SMIM19: variants seen among roughly 807,000 people sequenced by gnomAD.
SMIM19 encodes small integral membrane protein 19, also known as UPF0697 protein C8orf40.
SMIM19 carries 6 observed loss-of-function variants against 13.2 expected under a neutral mutation model. That is an observed-to-expected ratio of 0.45 (90% CI 0.25 to 0.90). The LOEUF is 0.90. SMIM19 is among the 40% of genes least tolerant of loss of function. The pLI is 0.19. For synonymous variants in SMIM19, 46 were observed against 43.1 expected (o/e 1.07, Z -0.27); for missense variants, 138 against 131.0 (o/e 1.05, Z -0.26).
At chr8:42,547,538 A>C (rs189236496) in intron 2 of SMIM19, among the ~76,000 whole-genome samples, 1 of 152,290 alleles carries the variant, frequency 6.6e-6, no homozygotes, top group East Asian at 1.9e-4. Context: ...AAGTCCCTGA[A>C]TGCAGAAACA....
chr8:42,552,551 G>A lies in SMIM19; in HGVS notation c.267G>A (p.Lys89=). Residue 89 remains lysine (K), a synonymous_variant, in exon 4 of 4, where the codon AAG becomes AAA. Coordinates refer to ENST00000417410, the MANE Select transcript of SMIM19 (RefSeq NM_001135674.2). ...TTTTCTTGTTGTGAATAGCAAGAAA[G>A]TACGACTATCAGCAGCCACAAAACC... ...QQLEMYSISR[K]YDYQQPQNQA... The A allele has an allele frequency of 1.9e-6, 3 of 1,613,940 alleles. No individual in the cohort carries two copies. Among genetic ancestry groups the A allele is most frequent in the South Asian group, 2.2e-5 (2 of 91,058 alleles).
chr8:42,545,025 T>A (rs1034530353), intron 1 of SMIM19, among the ~76,000 whole-genome samples: 4 of 152,248 alleles, frequency 2.6e-5, no homozygotes, highest in African/African-American at 9.6e-5. Context: ...TTTCTTGGTA[T>A]TAGAAAATGA....
intron 3 of SMIM19, among the ~76,000 whole-genome samples, chr8:42,549,730 T>C (rs747462596): frequency 2.7e-4 from 41 of 152,092 alleles, no homozygotes; most frequent in Non-Finnish European, 4.3e-4. Context: ...TGGTAAAGTT[T>C]ATGTTATGTA....
At chr8:42,543,633 A>G (rs1195757386) in intron 1 of SMIM19, among the ~76,000 whole-genome samples, 1 of 152,194 alleles carries the variant, frequency 6.6e-6, no homozygotes, top group African/African-American at 2.4e-5. Flanking sequence ...GTAGGAATAT[A>G]CCATTTACTG....
At chr8:42,546,314 A>G (rs893150540) in intron 1 of SMIM19, 155 bp from the exon 2 acceptor site, 9 of 791,312 alleles carry the variant, frequency 1.1e-5, no homozygotes, top group Non-Finnish European at 1.4e-5. Context: ...AAAATGTGCC[A>G]CTTAGAAATG....
Position 42,552,577 on chromosome 8 carries a change from A to G in SMIM19, c.293A>G (p.Gln98Arg). The change falls in exon 4 of 4, where the codon CAA (glutamine) becomes CGA (arginine). Residue 98 changes from glutamine (Q) to arginine (R), a missense_variant. Gln to Arg is a conservative substitution (Grantham distance 43, BLOSUM62 1). Coordinates refer to ENST00000417410, the MANE Select transcript of SMIM19 (RefSeq NM_001135674.2). Reference protein sequence around the residue: ...RKYDYQQPQNQADSVQLSLE With the variant: ...RKYDYQQPQNRADSVQLSLE ...TACGACTATCAGCAGCCACAAAACCAAGCTGACAGTGTGCAACTCTCATTG... is the reference window on the plus strand; with the variant it reads ...TACGACTATCAGCAGCCACAAAACCGAGCTGACAGTGTGCAACTCTCATTG... 2.5e-6 allele frequency: 4 copies of G among 1,614,126 alleles called. No individual in the cohort carries two copies. The highest frequency in any genetic ancestry group is 3.4e-6 in the Non-Finnish European group (4 of 1,179,994).
chr8:42,551,045 G>T (rs1455200327), intron 3 of SMIM19, among the ~76,000 whole-genome samples: 1 of 152,106 alleles, frequency 6.6e-6, no homozygotes, highest in Non-Finnish European at 1.5e-5. Flanking sequence ...TTGGCCAGGC[G>T]TGGTGGCTCA....
intron 1 of SMIM19, among the ~76,000 whole-genome samples, chr8:42,544,042 T>C (rs558536904): frequency 5.4e-4 from 81 of 151,092 alleles, no homozygotes; most frequent in African/African-American, 1.9e-3. Context: ...GGCTGATTAC[T>C]TACTATAAAC....
chr8:42,548,748 G>A lies in SMIM19; in HGVS notation c.227G>A (p.Arg76His), dbSNP rs1484996106. The change falls in exon 3 of 4, where the codon CGT becomes CAT. Residue 76 changes from arginine (R) to histidine (H), a missense_variant. By Grantham distance (29) the Arg-to-His change is conservative. Coordinates refer to ENST00000417410, the MANE Select transcript of SMIM19 (RefSeq NM_001135674.2). ...TTTTATGACACGATAAGCAAGATTC[G>A]TTTAAGACAACAACTGGAAATGTAT... ...PNFYDTISKI[R>H]LRQQLEMYSI... 8.1e-6 allele frequency: 13 copies of A among 1,613,792 alleles called. No individual in the cohort carries two copies. The highest frequency in any genetic ancestry group is 2.2e-5 in the East Asian group (1 of 44,834).
chr8:42,545,617 G>A (rs1234307605), intron 1 of SMIM19, among the ~76,000 whole-genome samples: 2 of 152,104 alleles, frequency 1.3e-5, no homozygotes, highest in Non-Finnish European at 2.9e-5. Flanking sequence ...TGTAACCTCC[G>A]TCTCCCAGGT....
Position 42,542,314 on chromosome 8 carries a change from G to C in SMIM19, c.-64G>C, listed in dbSNP as rs933932369. On this transcript the variant is annotated 5_prime_UTR_variant, in exon 1 of 4. Coordinates refer to ENST00000417410, the MANE Select transcript of SMIM19 (RefSeq NM_001135674.2). ...GTTGTTGGGATAATTCAGTGACTCT[G>C]TGGACTGCCCAGCACCTGTGAATTG... 2.5e-5 allele frequency: 9 copies of C among 353,220 alleles called. No individual in the cohort carries two copies. The highest frequency in any genetic ancestry group is 6.7e-5 in the African/African-American group (3 of 45,060). The allele number at this position is 353,220 out of a possible 1,614,324, so 21.9% of individuals were successfully genotyped here.
At chr8:42,543,458 G>GA (rs1461767267) in intron 1 of SMIM19, among the ~76,000 whole-genome samples, 1 of 152,190 alleles carries the variant, frequency 6.6e-6, no homozygotes, top group Non-Finnish European at 1.5e-5. Flanking sequence ...CATGTGCCTG[G>GA]AAGCGCAGAA....
chr8:42,546,456 TTC>T lies in SMIM19; in HGVS notation c.-4-7_-4-6del, dbSNP rs745500936. Reference sequence around the variant, plus strand: ...TAATTAAAAGAAACCCTGCTTTCTTTTCTCTCTTACAGCCCCATGGCTGGGGG... The same window carrying T: ...TAATTAAAAGAAACCCTGCTTTCTTTTCTCTTACAGCCCCATGGCTGGGGG... On this transcript the variant is annotated splice_polypyrimidine_tract_variant and intron_variant, in intron 1 of 3. Coordinates refer to ENST00000417410, the MANE Select transcript of SMIM19 (RefSeq NM_001135674.2). 46 of 1,587,480 alleles carry T rather than the reference TTC, an allele frequency of 2.9e-5. No homozygotes were observed. In the East Asian group the frequency reaches 1.0e-3, roughly 35 times the overall value.
chr8:42,548,154 C>G (rs1813549940), intron 2 of SMIM19, among the ~76,000 whole-genome samples: 1 of 152,160 alleles, frequency 6.6e-6, no homozygotes, highest in Non-Finnish European at 1.5e-5. Flanking sequence ...CGCCGCCTCC[C>G]CATGTTTCTT....
At chr8:42,546,155 A>AGT (rs1813474620) in intron 1 of SMIM19, among the ~76,000 whole-genome samples, 1 of 152,264 alleles carries the variant, frequency 6.6e-6, no homozygotes, top group African/African-American at 2.4e-5. Flanking sequence ...CTAAGCACTT[A>AGT]CAATACCTAA....
Position 42,553,200 on chromosome 8 carries a change from AATG to A in SMIM19, c.*595_*597del, listed in dbSNP as rs1179375685. ...ATATTCTGTTAACAGCTCTTTAATT[AATG>A]ATCTTTGCTTCTTCAGAACTTGTAT... On this transcript the variant is annotated 3_prime_UTR_variant, in exon 4 of 4. Coordinates refer to ENST00000417410, the MANE Select transcript of SMIM19 (RefSeq NM_001135674.2). The A allele has an allele frequency of 6.6e-6, 1 of 152,136 alleles. No individual in the cohort carries two copies. Among genetic ancestry groups the A allele is most frequent in the Non-Finnish European group, 1.5e-5 (1 of 68,076 alleles). 9.4% of individuals were successfully genotyped at this position (152,136 alleles called of 1,614,324 possible). A position where few individuals can be genotyped will look rare whatever the true frequency, so the allele number is the denominator to read the frequency against.
At chr8:42,551,899 G>A (rs1047264622) in intron 3 of SMIM19, among the ~76,000 whole-genome samples, 1 of 152,158 alleles carries the variant, frequency 6.6e-6, no homozygotes, top group African/African-American at 2.4e-5. Context: ...AGCCATGATT[G>A]TGCCACTGCA....
chr8:42,553,449 A>G lies in SMIM19; in HGVS notation c.*841A>G, dbSNP rs1025761610. 2.0e-5 allele frequency: 3 copies of G among 152,226 alleles called. No homozygotes were observed. The highest frequency in any genetic ancestry group is 4.4e-5 in the Non-Finnish European group (3 of 68,046). 9.4% of individuals were successfully genotyped at this position (152,226 alleles called of 1,614,324 possible). On this transcript the variant is annotated 3_prime_UTR_variant, in exon 4 of 4. Transcript: ENST00000417410. ...GCAACTCTGCGGTAGTAGTGCTACC[A>G]CTGGCGAGGCAGTATTACTGCCACT...
Position 42,554,419 on chromosome 8 carries a change from C to G in SMIM19, c.*1811C>G, listed in dbSNP as rs1376863926. 6.6e-6 allele frequency: 1 copy of G among 152,204 alleles called. No homozygotes were observed. Among genetic ancestry groups the G allele is most frequent in the Non-Finnish European group, 1.5e-5 (1 of 68,040 alleles). The allele number at this position is 152,204 out of a possible 1,614,324, so 9.4% of individuals were successfully genotyped here. ...TGGACAAATTACACAAACTGGCTAT[C>G]TCAGATGTGTAAAATTAATGTACAT... On this transcript the variant is annotated 3_prime_UTR_variant, in exon 4 of 4. Coordinates refer to ENST00000417410, the MANE Select transcript of SMIM19 (RefSeq NM_001135674.2).
Sources: allele counts gnomAD v4.1 joint callset (sites outside exome capture counted in the v4.1 genomes callset), GRCh38; gene constraint gnomAD v4.1.1; transcripts MANE v1.5; gene names NCBI Gene and HGNC (gene_info 2026-07-23, HGNC 2026-07-21).